The following EGF variants were observed in gnomAD, a reference collection of about 807,000 sequenced individuals.
The protein encoded by EGF is epidermal growth factor.
EGF carries 95 observed loss-of-function variants against 143.8 expected under a neutral mutation model. The observed-to-expected ratio is 0.66, with a 90% confidence interval of 0.56 to 0.78. The LOEUF (loss-of-function observed/expected upper bound fraction) is 0.78. Ranked by LOEUF, EGF falls within the 30% of genes least tolerant of loss-of-function variation. The pLI is 0.00. For synonymous variants in EGF, 510 were observed against 510.5 expected (o/e 1.00, Z 0.01); for missense variants, 1,320 against 1,470.9 (o/e 0.90, Z 1.68).
At position 109,986,555 on chromosome 4, in the gene EGF, C is replaced by A. The variant is rs3796943; in HGVS notation, c.2492-1189C>A. On this transcript the variant is annotated intron_variant, in intron 16 of 23. Coordinates refer to ENST00000265171, the MANE Select transcript of EGF (RefSeq NM_001963.6). The stretch of plus-strand genomic sequence containing the variant: ...CATGCCACCTGAATCCTACTTAGAT[C>A]ATTTAACTTTCTTTAATTTATCGGC... Among the ~76,000 whole-genome samples the A allele has an allele frequency of 0.013, 1,974 of 152,258 alleles. 189 individuals carry two copies. In the East Asian group the frequency reaches 0.22, roughly 17 times the overall value.
Position 109,963,306 on chromosome 4 carries a change from C to T in EGF, c.1438+8C>T. ...AAAGCTGTGCAGCTTCAGGTTAGTG[C>T]TGTGGTTGTCTGGAACTGTGTCCCT... is the stretch of plus-strand genomic sequence containing the variant. On this transcript the variant is annotated splice_region_variant and intron_variant, in intron 9 of 23. Coordinates refer to ENST00000265171, the MANE Select transcript of EGF (RefSeq NM_001963.6). 2 of 1,613,622 alleles carry T rather than the reference C, an allele frequency of 1.2e-6. No individual in the cohort carries two copies. The highest frequency in any genetic ancestry group is 8.5e-7 in the Non-Finnish European group (1 of 1,179,824).
rs1747113682 is a variant in EGF at position 109,968,989 on chromosome 4, G to T, written c.1594G>T (p.Ala532Ser). Residue 532 changes from alanine to serine, a missense_variant, in exon 11 of 24, where the codon GCC becomes TCC. Transcript: ENST00000265171. Reference sequence around the variant, plus strand: ...TTTGTAGATATACTTTGCCCATACAGCCCTGAAGTGGATAGAGAGAGCTAA... The same window carrying T: ...TTTGTAGATATACTTTGCCCATACATCCCTGAAGTGGATAGAGAGAGCTAA... ...VENKIYFAHT[A>S]LKWIERANMD... 2 of 1,614,078 alleles carry T rather than the reference G, an allele frequency of 1.2e-6. No homozygotes were observed. Among genetic ancestry groups the T allele is most frequent in the Non-Finnish European group, 1.7e-6 (2 of 1,179,990 alleles).
intron 11 of EGF, among the ~76,000 whole-genome samples, chr4:109,971,005 A>G (rs978214298): frequency 6.6e-6 from 1 of 152,076 alleles, no homozygotes; most frequent in African/African-American, 2.4e-5. Context: ...GAATAGTTGC[A>G]ATGCACCAGA....
At position 110,012,278 on chromosome 4, in the gene EGF, A is replaced by G. The variant is rs1177053845; in HGVS notation, c.*823A>G. ...ACCAAAAACATAAACATTTTATTGT[A>G]TGCCTGATTAAGTAGTTAATTATAG... On this transcript the variant is annotated 3_prime_UTR_variant, in exon 24 of 24. Transcript: ENST00000265171. 2 of 152,210 alleles carry G rather than the reference A, an allele frequency of 1.3e-5. No individual in the cohort carries two copies. Among genetic ancestry groups the G allele is most frequent in the Non-Finnish European group, 1.5e-5 (1 of 68,038 alleles). The allele number at this position is 152,210 out of a possible 1,614,324, so 9.4% of individuals were successfully genotyped here. A position where few individuals can be genotyped will look rare whatever the true frequency, so the allele number is the denominator to read the frequency against.
intron 20 of EGF, 74 bp from the exon 21 acceptor site, chr4:109,999,605 G>T: frequency 6.3e-7 from 1 of 1,584,968 alleles, no homozygotes; most frequent in South Asian, 1.1e-5. Flanking sequence ...AGAGACAGCT[G>T]AATACTGAGT....
chr4:109,975,346 A>C (rs1398327171), intron 12 of EGF, among the ~76,000 whole-genome samples: 2 of 152,232 alleles, frequency 1.3e-5, no homozygotes, highest in African/African-American at 4.8e-5. Flanking sequence ...TATTTTATTT[A>C]CACTGGAAAT....
chr4:109,983,287 A>G, intron 15 of EGF, 135 bp from the exon 16 acceptor site: 2 of 1,013,472 alleles, frequency 2.0e-6, no homozygotes, highest in Non-Finnish European at 2.9e-6. Context: ...AGACCCTGAC[A>G]GTTTCTCTGA....
At chr4:109,973,025 A>G (rs1166753461) in intron 11 of EGF, among the ~76,000 whole-genome samples, 1 of 152,160 alleles carries the variant, frequency 6.6e-6, no homozygotes, top group African/African-American at 2.4e-5. Context: ...GTGGTTATAT[A>G]TTCTGGTTTG....
intron 11 of EGF, among the ~76,000 whole-genome samples, chr4:109,970,076 C>T (rs368039469): frequency 5.3e-5 from 8 of 152,006 alleles, no homozygotes; most frequent in Admixed American, 1.3e-4. Context: ...TGTTTCCCTA[C>T]GGTGGGAAAA....
In EGF at chr4:110,004,555, G is replaced by A; in HGVS notation, c.3224G>A (p.Ser1075Asn). Residue 1075 changes from serine to asparagine, a missense_variant, in exon 22 of 24, where the codon AGC becomes AAC. Physicochemically the swap from Ser to Asn is conservative, Grantham distance 46. Coordinates refer to ENST00000265171, the MANE Select transcript of EGF (RefSeq NM_001963.6). The part of the protein sequence containing the change: ...KNPKNPYEES[S>N]RDVRSRRPAD... ...CCAAAGAATCCTTATGAGGAGTCGA[G>A]CAGAGATGTGAGGAGTCGCAGGCCT... 1.2e-6 allele frequency: 2 copies of A among 1,614,068 alleles called. No individual in the cohort carries two copies. Among genetic ancestry groups the A allele is most frequent in the Non-Finnish European group, 1.7e-6 (2 of 1,179,944 alleles).
chr4:109,946,531 T>C (rs946280924), intron 5 of EGF, among the ~76,000 whole-genome samples: 2 of 152,204 alleles, frequency 1.3e-5, no homozygotes, highest in African/African-American at 4.8e-5. Context: ...CCAATCAAAA[T>C]AGGCCCCTTC....
In EGF at chr4:110,011,795, G is replaced by T; in HGVS notation, c.*340G>T. 2.8e-6 allele frequency: 1 copy of T among 351,162 alleles called. No homozygotes were observed. The highest frequency in any genetic ancestry group is 2.6e-5 in the South Asian group (1 of 37,902). 21.8% of individuals were successfully genotyped at this position (351,162 alleles called of 1,614,324 possible). ...TCCTGCAGCCCCAGAAGAAATTAGG[G>T]GTTAAAGCAGACAGTCACACTGGTT... On this transcript the variant is annotated 3_prime_UTR_variant, in exon 24 of 24. Coordinates refer to ENST00000265171, the MANE Select transcript of EGF (RefSeq NM_001963.6).
intron 18 of EGF, 44 bp from the exon 19 acceptor site, chr4:109,993,203 T>A: frequency 6.2e-7 from 1 of 1,611,472 alleles, no homozygotes; most frequent in South Asian, 1.1e-5. Flanking sequence ...ACCCTCTTTT[T>A]CTGTACCCCA....
chr4:109,916,826 A>G (rs1387739649), intron 1 of EGF, among the ~76,000 whole-genome samples: 1 of 152,200 alleles, frequency 6.6e-6, no homozygotes, highest in African/African-American at 2.4e-5. Flanking sequence ...TAATCATCGA[A>G]CATTTTTTAT....
intron 1 of EGF, among the ~76,000 whole-genome samples, chr4:109,936,801 A>G (rs1740893784): frequency 6.6e-6 from 1 of 152,206 alleles, no homozygotes; most frequent in South Asian, 2.1e-4. Context: ...TTATTTACCC[A>G]GTAGTCATTC....
Position 109,932,371 on chromosome 4 carries a change from AT to A in EGF, c.128-8574del, listed in dbSNP as rs1560643363. On this transcript the variant is annotated intron_variant, in intron 1 of 23. Coordinates refer to ENST00000265171, the MANE Select transcript of EGF (RefSeq NM_001963.6). Reference sequence around the variant, plus strand: ...ACCTCCCATTTAGTCATATATATATATATATAAATTTTTTTTTTTTTTTTTG... The same window carrying A: ...ACCTCCCATTTAGTCATATATATATAATATAAATTTTTTTTTTTTTTTTTG... Among the ~76,000 whole-genome samples, 7 of 123,938 alleles carry A rather than the reference AT, an allele frequency of 5.6e-5. No homozygotes were observed. In the East Asian group the frequency reaches 1.6e-3, roughly 28 times the overall value. 81.3% of individuals were successfully genotyped at this position (123,938 alleles called of 152,430 possible). A position where few individuals can be genotyped will look rare whatever the true frequency, so the allele number is the denominator to read the frequency against.
At chr4:109,934,848 G>A (rs771473046) in intron 1 of EGF, among the ~76,000 whole-genome samples, 1 of 152,134 alleles carries the variant, frequency 6.6e-6, no homozygotes, top group East Asian at 1.9e-4. Flanking sequence ...TTTTTGTCAA[G>A]CTTGTCAAAG....
chr4:109,991,418 T>C (rs556903652), intron 18 of EGF, among the ~76,000 whole-genome samples: 2 of 151,512 alleles, frequency 1.3e-5, no homozygotes, highest in African/African-American at 2.4e-5. Flanking sequence ...CTGGCAGCAT[T>C]TGAGTAAAGT....
At chr4:109,923,316 A>G (rs1417502963) in intron 1 of EGF, among the ~76,000 whole-genome samples, 1 of 151,470 alleles carries the variant, frequency 6.6e-6, no homozygotes, top group African/African-American at 2.4e-5. Flanking sequence ...ATTTTACCTC[A>G]TTTTTGTCTA....
Sources: gnomAD v4.1 joint callset for allele counts (sites outside exome capture counted in the v4.1 genomes callset) on GRCh38, gnomAD v4.1.1 for gene constraint, MANE v1.5 for transcripts, NCBI Gene and HGNC (gene_info 2026-07-23, HGNC 2026-07-21) for gene names.